BNC2: variants seen among roughly 807,000 people sequenced by gnomAD.
The protein encoded by BNC2 is basonuclin zinc finger protein 2.
A neutral mutation model predicts 76.3 loss-of-function variants in BNC2; 20 were observed. The observed-to-expected ratio is 0.26, with a 90% confidence interval of 0.18 to 0.38. BNC2 has a LOEUF of 0.38. BNC2 is among the 10% of genes least tolerant of loss of function. The pLI is 1.00. For missense variants in BNC2, 1,382 were observed against 1,399.8 expected (o/e 0.99, Z 0.20); for synonymous variants, 582 against 514.8 (o/e 1.13, Z -1.77).
At chr9:16,442,655 G>C (rs970541550) in intron 5 of BNC2, among the ~76,000 whole-genome samples, 8 of 152,166 alleles carry the variant, frequency 5.3e-5, no homozygotes, top group African/African-American at 1.9e-4. Context: ...CTCAAGCTCA[G>C]TCCAACAAGG....
At chr9:16,595,381 C>A (rs929800634) in intron 3 of BNC2, among the ~76,000 whole-genome samples, 1 of 152,004 alleles carries the variant, frequency 6.6e-6, no homozygotes, top group Non-Finnish European at 1.5e-5. Flanking sequence ...TCTATGTGCC[C>A]CCTTATACGT....
intron 3 of BNC2, among the ~76,000 whole-genome samples, chr9:16,700,194 G>A (rs1033511288): frequency 9.2e-5 from 14 of 152,074 alleles, no homozygotes; most frequent in Admixed American, 2.0e-4. Flanking sequence ...TTTCAGACTC[G>A]TTCCATAGTA....
intron 3 of BNC2, among the ~76,000 whole-genome samples, chr9:16,602,289 T>C (rs551644135): frequency 1.2e-4 from 19 of 152,290 alleles, no homozygotes; most frequent in African/African-American, 4.3e-4. Context: ...GAGGTAAAAA[T>C]GTGTACTTAT....
intron 5 of BNC2, among the ~76,000 whole-genome samples, chr9:16,455,574 T>C (rs1040902630): frequency 1.3e-5 from 2 of 152,186 alleles, no homozygotes; most frequent in African/African-American, 4.8e-5. Flanking sequence ...GTGGATCACC[T>C]GAGGTCAGGA....
intron 3 of BNC2, among the ~76,000 whole-genome samples, chr9:16,691,276 G>A (rs1823152636): frequency 6.6e-6 from 1 of 152,078 alleles, no homozygotes; most frequent in Non-Finnish European, 1.5e-5. Context: ...TTCTAAATGA[G>A]AAAACTGAGA....
chr9:16,761,062 G>C (rs1276370655), intron 1 of BNC2, among the ~76,000 whole-genome samples: 2 of 145,900 alleles, frequency 1.4e-5, no homozygotes, highest in Admixed American at 6.9e-5. Context: ...GTAAAACACA[G>C]AGCGGCCCCG....
chr9:16,797,599 G>C (rs1298037220), intron 1 of BNC2, among the ~76,000 whole-genome samples: 3 of 152,120 alleles, frequency 2.0e-5, no homozygotes, highest in African/African-American at 7.2e-5. Context: ...TATGCATCTA[G>C]TAAGAGTGTC....
At chr9:16,788,626 G>T (rs1457837975) in intron 1 of BNC2, among the ~76,000 whole-genome samples, 2 of 151,670 alleles carry the variant, frequency 1.3e-5, no homozygotes. Flanking sequence ...ACAGTCCAAG[G>T]CAAGGCCTTG....
chr9:16,548,566 C>T (rs978414791), intron 5 of BNC2, among the ~76,000 whole-genome samples: 11 of 152,054 alleles, frequency 7.2e-5, no homozygotes, highest in African/African-American at 2.7e-4. Context: ...CCACCATACC[C>T]GGCTAATTTT....
chr9:16,621,055 CCTGG>C (rs1563867314), intron 3 of BNC2, among the ~76,000 whole-genome samples: 1 of 152,196 alleles, frequency 6.6e-6, no homozygotes, highest in Non-Finnish European at 1.5e-5. Flanking sequence ...TCAAATTGAG[CCTGG>C]TGACAGCAAT....
At chr9:16,679,658 C>G (rs762092246) in intron 3 of BNC2, among the ~76,000 whole-genome samples, 3 of 152,184 alleles carry the variant, frequency 2.0e-5, no homozygotes, top group Non-Finnish European at 4.4e-5. Context: ...CTCTGAAGGA[C>G]GTTCCCTAGA....
intron 1 of BNC2, among the ~76,000 whole-genome samples, chr9:16,817,008 GGA>G (rs1358541738): frequency 2.0e-5 from 3 of 152,198 alleles, no homozygotes; most frequent in African/African-American, 7.2e-5. Flanking sequence ...AAAAGAAAGT[GGA>G]GAGGGTGAAG....
chr9:16,469,513 A>T (rs1307035295), intron 5 of BNC2, among the ~76,000 whole-genome samples: 1 of 152,230 alleles, frequency 6.6e-6, no homozygotes, highest in Admixed American at 6.5e-5. Flanking sequence ...TGTAAGTCCA[A>T]TTAAACCTCT....
chr9:16,739,865 G>C (rs1312028058), intron 1 of BNC2, among the ~76,000 whole-genome samples: 2 of 152,206 alleles, frequency 1.3e-5, no homozygotes, highest in Non-Finnish European at 2.9e-5. Flanking sequence ...TCAACAGAAA[G>C]GGGGATGAAC....
intron 5 of BNC2, among the ~76,000 whole-genome samples, chr9:16,472,586 A>G (rs2131389603): frequency 6.6e-6 from 1 of 152,334 alleles, no homozygotes; most frequent in East Asian, 1.9e-4. Context: ...GTCCTAAACC[A>G]GCCTCTTAGC....
intron 3 of BNC2, among the ~76,000 whole-genome samples, chr9:16,714,377 A>G (rs1298799043): frequency 1.3e-5 from 2 of 152,228 alleles, no homozygotes; most frequent in East Asian, 3.8e-4. Context: ...TATATTAAAG[A>G]TACTTTATCT....
At chr9:16,498,315 A>G (rs1428393986) in intron 5 of BNC2, among the ~76,000 whole-genome samples, 3 of 147,086 alleles carry the variant, frequency 2.0e-5, no homozygotes, top group Non-Finnish European at 4.4e-5. Context: ...ATATGAATAT[A>G]TGATGGAACA....
At chr9:16,685,605 T>C in intron 3 of BNC2, 2 of 1,304,250 alleles carry the variant, frequency 1.5e-6, no homozygotes, top group Non-Finnish European at 2.0e-6. Flanking sequence ...CCCCCAGCAC[T>C]CTGCCAGTAC....
At chr9:16,573,743 G>T (rs531859726) in intron 4 of BNC2, among the ~76,000 whole-genome samples, 20 of 152,272 alleles carry the variant, frequency 1.3e-4, no homozygotes, top group African/African-American at 4.8e-4. Context: ...CTGGTTACAA[G>T]TCTATCCAGT....
Sources: allele counts gnomAD v4.1 joint callset (sites outside exome capture counted in the v4.1 genomes callset), GRCh38; gene constraint gnomAD v4.1.1; transcripts MANE v1.5; gene names NCBI Gene and HGNC (gene_info 2026-07-23, HGNC 2026-07-21).